Variants in KLHL1 observed in about 807,000 individuals in gnomAD.
KLHL1 encodes the protein kelch-like protein 1.
A neutral mutation model predicts 77.7 loss-of-function variants in KLHL1; 47 were observed. The ratio of observed to expected loss-of-function variants is 0.60; its 90% CI spans 0.48 to 0.77. The LOEUF is 0.77. KLHL1 is among the 30% of genes least tolerant of loss of function. KLHL1 has a pLI of 0.00. For synonymous variants in KLHL1, 360 were observed against 325.2 expected, an observed-to-expected ratio of 1.11 and a Z score of -1.15; for missense variants, 925 against 910.8, an observed-to-expected ratio of 1.02 and a Z score of -0.20.
chr13:69,998,669 T>C (rs1025363246), intron 1 of KLHL1, among the ~76,000 whole-genome samples: 16 of 152,162 alleles, frequency 1.1e-4, no homozygotes, highest in African/African-American at 3.9e-4. Flanking sequence ...TAGTAATGGA[T>C]GACTACAGAC....
intron 7 of KLHL1, among the ~76,000 whole-genome samples, chr13:69,781,277 TTTTC>T (rs1400020107): frequency 2.3e-3 from 321 of 140,354 alleles, no homozygotes; most frequent in African/African-American, 8.0e-3. Context: ...AGACTCCTTT[TTTTC>T]TTTCTTTTTT....
At chr13:70,038,964 C>T (rs1456574186) in intron 1 of KLHL1, among the ~76,000 whole-genome samples, 3 of 151,822 alleles carry the variant, frequency 2.0e-5, no homozygotes, top group Admixed American at 2.0e-4. Flanking sequence ...CTAATGACTA[C>T]TATTGTGGAA....
At chr13:69,984,529 G>A (rs73514707) in intron 1 of KLHL1, among the ~76,000 whole-genome samples, 17,326 of 152,036 alleles carry the variant, frequency 0.11, 1,782 homozygotes, top group African/African-American at 0.28. Context: ...CTAGGTAAAT[G>A]TCACACCTGG....
chr13:69,719,195 TGTGTGTGTGTGTGTGAGAGAGAGAGA>T (rs1377673450), intron 9 of KLHL1, among the ~76,000 whole-genome samples, 148 bp downstream of exon 9: 1 of 132,278 alleles, frequency 7.6e-6, no homozygotes, highest in African/African-American at 2.8e-5. Context: ...TGTGTGTGTG[TGTGTGTGTGTGTGTGAGAGAGAGAGA>T]GAGAGAGAGA....
At chr13:70,102,647 C>A (rs985167520) in intron 1 of KLHL1, among the ~76,000 whole-genome samples, 1 of 152,002 alleles carries the variant, frequency 6.6e-6, no homozygotes, top group Non-Finnish European at 1.5e-5. Context: ...GGGTTAAAGT[C>A]CAGCCTTATT....
At chr13:69,864,811 C>A (rs1352018439) in intron 5 of KLHL1, among the ~76,000 whole-genome samples, 1 of 152,112 alleles carries the variant, frequency 6.6e-6, no homozygotes, top group Non-Finnish European at 1.5e-5. Context: ...AAGACACATA[C>A]CTCTAAATGA....
chr13:69,871,879 G>A (rs1472371344), intron 5 of KLHL1, among the ~76,000 whole-genome samples: 2 of 151,942 alleles, frequency 1.3e-5, no homozygotes, highest in Non-Finnish European at 2.9e-5. Context: ...CAATCTCTAA[G>A]AAGTTCCAAA....
At chr13:69,814,104 C>G (rs1440144225) in intron 6 of KLHL1, among the ~76,000 whole-genome samples, 1 of 152,060 alleles carries the variant, frequency 6.6e-6, no homozygotes, top group Non-Finnish European at 1.5e-5. Context: ...CATCTACAGC[C>G]AGCTGATCTT....
chr13:69,977,903 C>T (rs1376849622), intron 1 of KLHL1, among the ~76,000 whole-genome samples: 1 of 152,090 alleles, frequency 6.6e-6, no homozygotes, highest in Admixed American at 6.6e-5. Flanking sequence ...GAGAAGCTTA[C>T]CAAATTCTAT....
At chr13:69,878,601 T>C (rs58344191) in intron 5 of KLHL1, among the ~76,000 whole-genome samples, 1,691 of 152,160 alleles carry the variant, frequency 0.011, 43 homozygotes, top group African/African-American at 0.039. Flanking sequence ...AAATAAGCAA[T>C]ATATAATTAT....
chr13:69,843,691 A>G (rs184120154), intron 5 of KLHL1, among the ~76,000 whole-genome samples: 1 of 151,922 alleles, frequency 6.6e-6, no homozygotes, highest in Admixed American at 6.6e-5. Flanking sequence ...ATGATTTAGG[A>G]TGGCCAAAGT....
intron 6 of KLHL1, among the ~76,000 whole-genome samples, chr13:69,821,980 A>C (rs1878355632): frequency 6.6e-6 from 1 of 152,004 alleles, no homozygotes; most frequent in Non-Finnish European, 1.5e-5. Flanking sequence ...CAGGCAAATC[A>C]CGAAGTCAGG....
intron 7 of KLHL1, among the ~76,000 whole-genome samples, chr13:69,743,589 A>C (rs1874072392): frequency 6.6e-6 from 1 of 152,118 alleles, no homozygotes; most frequent in African/African-American, 2.4e-5. Context: ...GTTCGAGACC[A>C]GCCTGGCCAA....
intron 5 of KLHL1, among the ~76,000 whole-genome samples, chr13:69,847,970 GC>G (rs1233971050): frequency 6.6e-6 from 1 of 151,428 alleles, no homozygotes; most frequent in Non-Finnish European, 1.5e-5. Context: ...TTGCATTAAA[GC>G]AGTCTAAGAC....
At chr13:69,855,099 C>T (rs893981414) in intron 5 of KLHL1, among the ~76,000 whole-genome samples, 24 of 151,770 alleles carry the variant, frequency 1.6e-4, no homozygotes, top group Admixed American at 5.3e-4. Context: ...TATAGCAGAG[C>T]GTATTAGAAA....
intron 3 of KLHL1, among the ~76,000 whole-genome samples, chr13:69,946,199 A>G (rs1883519556): frequency 6.6e-6 from 1 of 152,160 alleles, no homozygotes; most frequent in African/African-American, 2.4e-5. Flanking sequence ...AAGAACAACA[A>G]GATAGATTGC....
At position 70,080,980 on chromosome 13, in the gene KLHL1, G is replaced by T. The variant is rs299527; in HGVS notation, c.497+26223C>A. Among the ~76,000 whole-genome samples the T allele has an allele frequency of 5.8e-3, 890 of 152,272 alleles. 11 individuals are homozygous for T. Among genetic ancestry groups the T allele is most frequent in the African/African-American group, 0.02 (832 of 41,550 alleles). On this transcript the variant is annotated intron_variant, in intron 1 of 10. Transcript: ENST00000377844. ...ATTCCTTTAAATCCAGCTTGATTCA[G>T]AGACTTCTCTTCCCAAAAAACATTG...
At chr13:70,021,008 T>C (rs184089653) in intron 1 of KLHL1, among the ~76,000 whole-genome samples, 1 of 152,190 alleles carries the variant, frequency 6.6e-6, no homozygotes, top group Admixed American at 6.5e-5. Context: ...TTCACTATAA[T>C]TGGTGAAACT....
intron 1 of KLHL1, among the ~76,000 whole-genome samples, chr13:70,063,378 GC>G (rs1206763462): frequency 1.3e-5 from 2 of 151,996 alleles, no homozygotes; most frequent in Non-Finnish European, 2.9e-5. Flanking sequence ...TGCAATTACA[GC>G]TTTTACAGAT....
Sources: allele counts gnomAD v4.1 joint callset (sites outside exome capture counted in the v4.1 genomes callset), GRCh38; gene constraint gnomAD v4.1.1; transcripts MANE v1.5; gene names NCBI Gene and HGNC (gene_info 2026-07-23, HGNC 2026-07-21).